Variants in AFF3 observed in about 807,000 individuals in gnomAD.
The protein encoded by AFF3 is ALF transcription elongation factor 3.
Under a neutral mutation model 129.7 loss-of-function variants are expected in AFF3, and 32 were observed. The observed-to-expected ratio is 0.25, with a 90% CI of 0.19 to 0.33. The LOEUF (loss-of-function observed/expected upper bound fraction) is 0.33, where lower values mean the gene tolerates loss of function less well. AFF3 is among the 10% of genes least tolerant of loss of function. The probability of loss-of-function intolerance (pLI) is 1.00; values close to 1 mark genes in which losing one functional copy is unlikely to be tolerated. For missense variants in AFF3, 1,373 were observed against 1,592.0 expected (o/e 0.86, Z 2.34); for synonymous variants, 644 against 635.4 (o/e 1.01, Z -0.20).
chr2:99,729,857 A>G (rs1053456950), intron 10 of AFF3, among the ~76,000 whole-genome samples: 3 of 147,944 alleles, frequency 2.0e-5, no homozygotes, highest in East Asian at 2.1e-4. Flanking sequence ...ATGATGGACC[A>G]ATGTTTCACA....
chr2:100,038,327 T>C (rs1435606056), intron 4 of AFF3, among the ~76,000 whole-genome samples: 1 of 151,802 alleles, frequency 6.6e-6, no homozygotes. Flanking sequence ...ACTTTGGGAT[T>C]CCAGCCTTCC....
At chr2:99,973,205 C>G (rs1037493500) in intron 7 of AFF3, among the ~76,000 whole-genome samples, 1 of 152,184 alleles carries the variant, frequency 6.6e-6, no homozygotes. Context: ...TCTTCCTGTT[C>G]TCTAGACGCA....
At chr2:99,851,026 A>G (rs1425071913) in intron 7 of AFF3, among the ~76,000 whole-genome samples, 1 of 152,228 alleles carries the variant, frequency 6.6e-6, no homozygotes, top group African/African-American at 2.4e-5. Flanking sequence ...CATCCATAAA[A>G]ACATAATGAG....
chr2:99,947,665 C>T (rs948913391), intron 7 of AFF3, among the ~76,000 whole-genome samples: 1 of 151,332 alleles, frequency 6.6e-6, no homozygotes, highest in African/African-American at 2.4e-5. Flanking sequence ...GACAGACAGA[C>T]AGACAGATAG....
intron 2 of AFF3, among the ~76,000 whole-genome samples, chr2:100,123,188 G>A (rs1186908771): frequency 6.6e-6 from 1 of 152,158 alleles, no homozygotes; most frequent in Admixed American, 6.5e-5. Context: ...GCCAACCCAG[G>A]GATAAATTAT....
chr2:99,579,506 G>A (rs982403282), intron 17 of AFF3, among the ~76,000 whole-genome samples: 2 of 152,076 alleles, frequency 1.3e-5, no homozygotes, highest in Admixed American at 6.6e-5. Flanking sequence ...GATTACCTGA[G>A]GTCAGGAGTT....
At chr2:100,112,897 A>G (rs1691573814) in intron 2 of AFF3, among the ~76,000 whole-genome samples, 1 of 152,212 alleles carries the variant, frequency 6.6e-6, no homozygotes, top group Non-Finnish European at 1.5e-5. Flanking sequence ...CTCACCTGTG[A>G]TGCTTATTAT....
chr2:100,118,814 C>G (rs890280600), intron 2 of AFF3, among the ~76,000 whole-genome samples: 1 of 143,748 alleles, frequency 7.0e-6, no homozygotes, highest in Non-Finnish European at 1.5e-5. Flanking sequence ...AAAATTCTGA[C>G]TTTTTTTTTT....
chr2:99,847,910 C>G (rs1002087839), intron 7 of AFF3, among the ~76,000 whole-genome samples: 1 of 152,094 alleles, frequency 6.6e-6, no homozygotes, highest in African/African-American at 2.4e-5. Flanking sequence ...GACGCCCACA[C>G]TATTATTATA....
At chr2:99,815,164 C>T (rs1247601071) in intron 8 of AFF3, among the ~76,000 whole-genome samples, 1 of 151,934 alleles carries the variant, frequency 6.6e-6, no homozygotes, top group Non-Finnish European at 1.5e-5. Flanking sequence ...TCTAGAGAGA[C>T]AATGAGAAGA....
intron 8 of AFF3, among the ~76,000 whole-genome samples, chr2:99,772,665 G>A (rs1683585618): frequency 6.6e-6 from 1 of 152,130 alleles, no homozygotes; most frequent in Non-Finnish European, 1.5e-5. Flanking sequence ...GCTAAGCCTA[G>A]CACCACTTTT....
chr2:99,743,611 A>T (rs1680901105), intron 10 of AFF3, among the ~76,000 whole-genome samples: 1 of 152,180 alleles, frequency 6.6e-6, no homozygotes, highest in Non-Finnish European at 1.5e-5. Context: ...ATAGCCACCA[A>T]TTCAATAAGG....
chr2:99,834,843 C>T (rs750274849), intron 8 of AFF3, among the ~76,000 whole-genome samples: 11 of 152,166 alleles, frequency 7.2e-5, no homozygotes, highest in East Asian at 1.9e-4. Flanking sequence ...CAATGTTCCT[C>T]GGTCTCCAGT....
intron 7 of AFF3, among the ~76,000 whole-genome samples, chr2:99,954,255 TC>T (rs972437404): frequency 2.2e-4 from 33 of 152,290 alleles, no homozygotes; most frequent in African/African-American, 7.7e-4. Context: ...AATTTGCCAT[TC>T]TGATAATTAT....
chr2:99,799,815 AT>A (rs1204484081), intron 8 of AFF3, among the ~76,000 whole-genome samples: 1 of 152,154 alleles, frequency 6.6e-6, no homozygotes, highest in East Asian at 1.9e-4. Context: ...CAAACAACTG[AT>A]TTTCAGCAAA....
intron 8 of AFF3, among the ~76,000 whole-genome samples, chr2:99,814,338 T>A (rs1336279899): frequency 6.6e-6 from 1 of 151,892 alleles, no homozygotes; most frequent in Non-Finnish European, 1.5e-5. Context: ...GAAAGGCAAC[T>A]GAATGGCCTG....
intron 20 of AFF3, among the ~76,000 whole-genome samples, chr2:99,563,783 C>T (rs1442964077): frequency 2.5e-5 from 3 of 121,366 alleles, no homozygotes; most frequent in African/African-American, 9.4e-5. Flanking sequence ...GCACTCCAGC[C>T]TGGGCAGTAA....
chr2:100,071,627 A>AT (rs1303656931), intron 4 of AFF3, among the ~76,000 whole-genome samples: 1 of 152,220 alleles, frequency 6.6e-6, no homozygotes, highest in African/African-American at 2.4e-5. Context: ...CTGGCTCAGT[A>AT]TTAGTGTCTT....
chr2:100,082,431 C>T (rs995515116), intron 4 of AFF3, among the ~76,000 whole-genome samples: 1 of 151,740 alleles, frequency 6.6e-6, no homozygotes, highest in African/African-American at 2.4e-5. Flanking sequence ...CTGATAAAGC[C>T]CTCCTGTCTG....
Sources: allele counts gnomAD v4.1 joint callset (sites outside exome capture counted in the v4.1 genomes callset), GRCh38; gene constraint gnomAD v4.1.1; transcripts MANE v1.5; gene names NCBI Gene and HGNC (gene_info 2026-07-23, HGNC 2026-07-21).